Variants in RIN2 observed in about 807,000 individuals in gnomAD.
RIN2 encodes RAB5 interacting protein 2.
A neutral mutation model predicts 78.0 loss-of-function variants in RIN2; 36 were observed. That is an observed-to-expected ratio of 0.46 (90% confidence interval 0.35 to 0.61). The LOEUF (loss-of-function observed/expected upper bound fraction) is 0.61, where lower values mean the gene tolerates loss of function less well. RIN2 is among the 20% of genes least tolerant of loss of function. The pLI is 0.00. For synonymous variants in RIN2, 466 were observed against 466.8 expected (o/e 1.00, Z 0.02); for missense variants, 1,087 against 1,159.7 (o/e 0.94, Z 0.91).
rs368745635 is a variant in RIN2, at chr20:19,901,368, G to A, written c.57+11710G>A. ...GCATCTGCACACAGATACATGGGTG[G>A]ACATCCTCAGAGGCAGGGTGACTCA... On this transcript the variant is annotated intron_variant, in intron 3 of 12. Coordinates refer to ENST00000255006, the MANE Select transcript of RIN2 (RefSeq NM_018993.4). 1.8e-4 allele frequency among the ~76,000 whole-genome samples: 26 copies of A among 145,112 alleles called. 1 individual carries two copies. In the East Asian group the frequency reaches 2.9e-3, roughly 16 times the overall value.
chr20:19,987,829 A>G (rs773107993), intron 9 of RIN2, among the ~76,000 whole-genome samples: 64 of 152,322 alleles, frequency 4.2e-4, no homozygotes, highest in Non-Finnish European at 8.8e-5. Context: ...CTTCGCATCA[A>G]CCTTGATTTC....
intron 2 of RIN2, among the ~76,000 whole-genome samples, chr20:19,834,217 A>C (rs2036336276): frequency 6.6e-6 from 1 of 152,168 alleles, no homozygotes; most frequent in Non-Finnish European, 1.5e-5. Context: ...AAGAACATGA[A>C]ATAAACCACT....
At chr20:19,918,235 G>C (rs1214557642) in intron 3 of RIN2, among the ~76,000 whole-genome samples, 1 of 148,840 alleles carries the variant, frequency 6.7e-6, no homozygotes, top group East Asian at 2.2e-4. Context: ...GAAACCAAAG[G>C]CCAGAAAGGT....
intron 3 of RIN2, among the ~76,000 whole-genome samples, chr20:19,898,865 T>C (rs937206477): frequency 6.6e-6 from 1 of 152,130 alleles, no homozygotes; most frequent in African/African-American, 2.4e-5. Flanking sequence ...AACCCTCTAA[T>C]AAACAACTCT....
At chr20:19,860,357 TG>T (rs2037295671) in intron 2 of RIN2, among the ~76,000 whole-genome samples, 1 of 47,046 alleles carries the variant, frequency 2.1e-5, no homozygotes, top group Admixed American at 1.6e-4. Flanking sequence ...AGTCTCACTC[TG>T]TTGCTCAGGC....
chr20:19,879,282 C>G (rs1194796412), intron 2 of RIN2, among the ~76,000 whole-genome samples: 2 of 152,204 alleles, frequency 1.3e-5, no homozygotes, highest in African/African-American at 4.8e-5. Flanking sequence ...TTTTATGACT[C>G]TTTCATAGAC....
chr20:19,776,026 T>C (rs1251362124), intron 1 of RIN2, among the ~76,000 whole-genome samples: 1 of 152,260 alleles, frequency 6.6e-6, no homozygotes, highest in Non-Finnish European at 1.5e-5. Context: ...CAATCTTTTA[T>C]GTGCCCTAAA....
At chr20:19,925,328 C>G (rs1209655437) in intron 3 of RIN2, among the ~76,000 whole-genome samples, 1 of 152,104 alleles carries the variant, frequency 6.6e-6, no homozygotes, top group Non-Finnish European at 1.5e-5. Flanking sequence ...TATAAACAGG[C>G]AAAGCTGTAT....
intron 7 of RIN2, among the ~76,000 whole-genome samples, chr20:19,967,140 T>C (rs775317350): frequency 2.0e-5 from 3 of 152,206 alleles, no homozygotes; most frequent in Non-Finnish European, 4.4e-5. Flanking sequence ...AAAGTTACCA[T>C]CAGTGTTCAT....
chr20:19,830,027 G>C (rs1394372131), intron 2 of RIN2, among the ~76,000 whole-genome samples: 1 of 152,190 alleles, frequency 6.6e-6, no homozygotes, highest in Non-Finnish European at 1.5e-5. Flanking sequence ...ATGTTGGAAA[G>C]ACAGAAATTA....
chr20:19,878,037 G>A (rs6136866), intron 2 of RIN2, among the ~76,000 whole-genome samples: 30,496 of 151,912 alleles, frequency 0.2, 3,162 homozygotes, highest in African/African-American at 0.25. Context: ...AAATAGTAGC[G>A]GAAGCTGTGT....
intron 9 of RIN2, among the ~76,000 whole-genome samples, chr20:19,981,073 G>GAATC (rs2042439152): frequency 1.3e-5 from 2 of 151,682 alleles, no homozygotes. Flanking sequence ...TAATGTATAA[G>GAATC]AATCCCTTTT....
rs562472833 is a variant in RIN2 at position 19,864,057 on chromosome 20, A to G, written c.-36-25509A>G. 2.6e-5 allele frequency among the ~76,000 whole-genome samples: 4 copies of G among 151,986 alleles called. No homozygotes were observed. In the East Asian group the frequency reaches 7.7e-4, roughly 29 times the overall value. On this transcript the variant is annotated intron_variant, in intron 2 of 12. Transcript: ENST00000255006. ...TTTTTTTAATGTATAAGACACAGAT[A>G]TGCATATGATACATAAACAGTTATA...
At chr20:19,931,569 A>G (rs557586892) in intron 3 of RIN2, among the ~76,000 whole-genome samples, 111 of 152,346 alleles carry the variant, frequency 7.3e-4, no homozygotes, top group Middle Eastern at 6.8e-3. Flanking sequence ...TTTGGGGTGT[A>G]CAGGTGATAT....
At chr20:19,953,066 C>A (rs2146217111) in intron 4 of RIN2, among the ~76,000 whole-genome samples, 1 of 152,222 alleles carries the variant, frequency 6.6e-6, no homozygotes, top group East Asian at 1.9e-4. Flanking sequence ...TTCACGCAGG[C>A]TCTCAAGTTT....
rs776373863 is a variant in RIN2, at chr20:19,992,207, C to A, written c.2108C>A (p.Thr703Asn). The A allele has an allele frequency of 2.5e-6, 4 of 1,612,426 alleles. No homozygotes were observed. The highest frequency in any genetic ancestry group is 3.4e-6 in the Non-Finnish European group (4 of 1,179,318). The stretch of plus-strand genomic sequence containing the variant: ...GCTGATGACTTCTTGCCAGTCCTGA[C>A]CTATGTCATAGCCCAGTGTGACATG... ...YGADDFLPVL[T>N]YVIAQCDMLE... The change falls in exon 11 of 13, where the codon ACC becomes AAC. Residue 703 changes from threonine (T) to asparagine (N), a missense_variant. Around this residue, in one of 8 missense-constraint regions of RIN2, gnomAD observed 45 missense variants for 88.1 expected, o/e 0.51. Coordinates refer to ENST00000255006, the MANE Select transcript of RIN2 (RefSeq NM_018993.4).
chr20:19,985,960 A>T (rs558440926), intron 9 of RIN2, among the ~76,000 whole-genome samples: 1 of 152,174 alleles, frequency 6.6e-6, no homozygotes, highest in Non-Finnish European at 1.5e-5. Flanking sequence ...GCCTCCCTGG[A>T]TGGAGTTTGT....
chr20:19,844,664 TTCTTCCTTCTTCTTCTTCTTCC>T (rs2036708051), intron 2 of RIN2, among the ~76,000 whole-genome samples: 5 of 106,526 alleles, frequency 4.7e-5, no homozygotes, highest in Admixed American at 2.0e-4. Context: ...CTTCTTCTTC[TTCTTCCTTCTTCTTCTTCTTCC>T]TCTTCCTCTT....
intron 9 of RIN2, among the ~76,000 whole-genome samples, chr20:19,989,567 C>T (rs76329536): frequency 0.02 from 3,119 of 152,214 alleles, 118 homozygotes; most frequent in African/African-American, 0.07. Context: ...TGAGCTACCA[C>T]GCCTGGCCCT....
Sources: allele counts gnomAD v4.1 joint callset (sites outside exome capture counted in the v4.1 genomes callset), GRCh38; gene constraint gnomAD v4.1.1; regional missense constraint gnomAD v4.1.1; transcripts MANE v1.5; gene names NCBI Gene and HGNC (gene_info 2026-07-23, HGNC 2026-07-21).